The following SLC14A2 variants were observed in gnomAD, a reference collection of about 807,000 sequenced individuals.
The protein encoded by SLC14A2 is urea transporter 2.
A neutral mutation model predicts 104.6 loss-of-function variants in SLC14A2; 91 were observed. That is an observed-to-expected ratio of 0.87 (90% CI 0.73 to 1.04). The LOEUF (loss-of-function observed/expected upper bound fraction) is 1.04. SLC14A2 is among the 50% of genes least tolerant of loss of function. The pLI is 0.00. For synonymous variants in SLC14A2, 476 were observed against 466.4 expected, an observed-to-expected ratio of 1.02 and a Z score of -0.27; for missense variants, 1,189 against 1,156.0, an observed-to-expected ratio of 1.03 and a Z score of -0.41.
At chr18:45,656,077 A>G (rs1246767662) in intron 10 of SLC14A2, among the ~76,000 whole-genome samples, 1 of 152,234 alleles carries the variant, frequency 6.6e-6, no homozygotes, top group Non-Finnish European at 1.5e-5. Flanking sequence ...GTTTCATTAG[A>G]TTGGAATGTA....
chr18:45,224,850 G>A (rs189458403), intron 1 of SLC14A2, among the ~76,000 whole-genome samples: 55 of 152,206 alleles, frequency 3.6e-4, no homozygotes, highest in African/African-American at 1.2e-3. Flanking sequence ...GGTTTGAACT[G>A]GTTAGGGAAG....
intron 1 of SLC14A2, among the ~76,000 whole-genome samples, chr18:45,328,439 G>A (rs1289722363): frequency 6.6e-6 from 1 of 152,186 alleles, no homozygotes; most frequent in African/African-American, 2.4e-5. Context: ...CATTTTCAGG[G>A]TTTCAGTTGC....
chr18:45,402,720 T>A (rs1291272029), intron 1 of SLC14A2, among the ~76,000 whole-genome samples: 4 of 152,190 alleles, frequency 2.6e-5, no homozygotes. Context: ...GAAAAGAATC[T>A]GAATTACTGG....
At chr18:45,465,375 A>T (rs984636657) in intron 1 of SLC14A2, among the ~76,000 whole-genome samples, 1 of 152,130 alleles carries the variant, frequency 6.6e-6, no homozygotes, top group Non-Finnish European at 1.5e-5. Flanking sequence ...GGTAACAAAG[A>T]GGGTTTTGTG....
At chr18:45,183,491 A>G in the SLC14A2 span, among the ~76,000 whole-genome samples, 3 of 152,134 alleles carry the variant, frequency 2.0e-5, no homozygotes, top group Admixed American at 1.3e-4. Context: ...CAAACAAGCC[A>G]CTGATGTTGA....
At chr18:45,373,452 T>G (rs1454956260) in intron 1 of SLC14A2, among the ~76,000 whole-genome samples, 1 of 152,188 alleles carries the variant, frequency 6.6e-6, no homozygotes, top group African/African-American at 2.4e-5. Context: ...TTTTTCTTCA[T>G]AGCAAATAGT....
intron 2 of SLC14A2, among the ~76,000 whole-genome samples, chr18:45,518,308 G>A (rs2043470408): frequency 6.6e-6 from 1 of 152,150 alleles, no homozygotes; most frequent in Non-Finnish European, 1.5e-5. Flanking sequence ...ATTTTTGAAT[G>A]ACTAATGATC....
At chr18:45,361,316 T>C (rs2085608705) in intron 1 of SLC14A2, among the ~76,000 whole-genome samples, 1 of 152,188 alleles carries the variant, frequency 6.6e-6, no homozygotes. Context: ...GGGGGTGGCC[T>C]TCTGCTAAAG....
At chr18:45,508,055 A>C (rs2043310806) in intron 2 of SLC14A2, among the ~76,000 whole-genome samples, 1 of 152,262 alleles carries the variant, frequency 6.6e-6, no homozygotes, top group Admixed American at 6.5e-5. Context: ...GGTAAGAAAG[A>C]CTGGAATACT....
At chr18:45,373,466 T>G (rs1474522833) in intron 1 of SLC14A2, among the ~76,000 whole-genome samples, 5 of 152,216 alleles carry the variant, frequency 3.3e-5, no homozygotes, top group African/African-American at 9.6e-5. Flanking sequence ...AAATAGTTCC[T>G]ACAGCCCTCC....
intron 1 of SLC14A2, among the ~76,000 whole-genome samples, chr18:45,385,501 G>T (rs908458027): frequency 9.9e-5 from 15 of 152,214 alleles, no homozygotes; most frequent in East Asian, 3.8e-4. Flanking sequence ...AAACCAGGTT[G>T]TTTCTAGAGA....
At chr18:45,406,949 T>C (rs2086161690) in intron 1 of SLC14A2, among the ~76,000 whole-genome samples, 1 of 152,210 alleles carries the variant, frequency 6.6e-6, no homozygotes, top group Admixed American at 6.5e-5. Context: ...GCATAGTTGA[T>C]TTAGCATAAT....
chr18:45,209,027 TA>T (rs199687506), upstream of SLC14A2, among the ~76,000 whole-genome samples: 158 of 144,274 alleles, frequency 1.1e-3, no homozygotes, highest in Middle Eastern at 3.5e-3. Context: ...AACAGGCATT[TA>T]AAAAAAAAAA....
chr18:45,244,641 G>A (rs527702053), intron 1 of SLC14A2, among the ~76,000 whole-genome samples: 6 of 151,894 alleles, frequency 4.0e-5, no homozygotes, highest in African/African-American at 9.7e-5. Flanking sequence ...AAAAAGGAGT[G>A]GGGGGGTGGG....
intron 1 of SLC14A2, among the ~76,000 whole-genome samples, chr18:45,254,628 T>C (rs1051993223): frequency 6.6e-6 from 1 of 152,130 alleles, no homozygotes; most frequent in African/African-American, 2.4e-5. Context: ...CTGGGAAGAA[T>C]CCACACTCCC....
At chr18:45,507,855 G>A (rs990179825) in intron 2 of SLC14A2, among the ~76,000 whole-genome samples, 7 of 152,308 alleles carry the variant, frequency 4.6e-5, no homozygotes, top group African/African-American at 1.4e-4. Context: ...AAATAAGGAA[G>A]CAGAAACATA....
At chr18:45,320,416 G>A (rs561312406) in intron 1 of SLC14A2, among the ~76,000 whole-genome samples, 1 of 152,328 alleles carries the variant, frequency 6.6e-6, no homozygotes, top group South Asian at 2.1e-4. Context: ...ACATGGAATG[G>A]TAAGAAAGAA....
intron 18 of SLC14A2, among the ~76,000 whole-genome samples, chr18:45,677,220 C>G (rs1457975496): frequency 6.6e-6 from 1 of 152,194 alleles, no homozygotes. Context: ...GTAATAACAC[C>G]AGATTTGATA....
At chr18:45,316,683 G>T (rs1273194426) in intron 1 of SLC14A2, among the ~76,000 whole-genome samples, 3 of 152,132 alleles carry the variant, frequency 2.0e-5, no homozygotes, top group Non-Finnish European at 2.9e-5. Flanking sequence ...GCAGTACTCT[G>T]GGTGCTCTGG....
Sources: allele counts gnomAD v4.1 joint callset (sites outside exome capture counted in the v4.1 genomes callset), GRCh38; gene constraint gnomAD v4.1.1; transcripts MANE v1.5; gene names NCBI Gene and HGNC (gene_info 2026-07-23, HGNC 2026-07-21).